MB21D2: variants seen among roughly 807,000 people sequenced by gnomAD.
MB21D2 encodes the protein Mab-21 domain containing 2.
MB21D2 carries 9 observed loss-of-function variants against 33.3 expected under a neutral mutation model. The ratio of observed to expected loss-of-function variants is 0.27; its 90% confidence interval spans 0.16 to 0.47. MB21D2 has a LOEUF of 0.47. Ranked by LOEUF, MB21D2 falls within the 20% of genes least tolerant of loss-of-function variation. The pLI, the probability that MB21D2 is intolerant of heterozygous loss-of-function variation, is 0.99. For synonymous variants in MB21D2, 241 were observed against 236.3 expected (o/e 1.02, Z -0.18); for missense variants, 540 against 624.6 (o/e 0.86, Z 1.44).
intron 1 of MB21D2, among the ~76,000 whole-genome samples, chr3:192,827,695 T>C (rs976677137): frequency 7.0e-6 from 1 of 142,866 alleles, no homozygotes; most frequent in African/African-American, 2.8e-5. Flanking sequence ...TGTTGGTGTT[T>C]ATCTCTAGAA....
At chr3:192,811,692 T>TG (rs779129349) in intron 1 of MB21D2, among the ~76,000 whole-genome samples, 6 of 152,188 alleles carry the variant, frequency 3.9e-5, no homozygotes, top group Non-Finnish European at 8.8e-5. Flanking sequence ...TTAAGACCTC[T>TG]GGAAAGCTTT....
intron 1 of MB21D2, among the ~76,000 whole-genome samples, chr3:192,861,544 C>T (rs138490868): frequency 0.01 from 1,532 of 152,336 alleles, 16 homozygotes; most frequent in Non-Finnish European, 0.015. Context: ...CGGTGGCTCA[C>T]GCCTGTAATC....
intron 1 of MB21D2, among the ~76,000 whole-genome samples, chr3:192,815,322 G>T (rs1159835087): frequency 3.3e-5 from 5 of 152,168 alleles, no homozygotes; most frequent in African/African-American, 1.2e-4. Flanking sequence ...GCCAGAAATA[G>T]AACCCAAAGT....
chr3:192,828,300 G>A (rs1336425690), intron 1 of MB21D2, among the ~76,000 whole-genome samples: 7 of 151,732 alleles, frequency 4.6e-5, no homozygotes, highest in Admixed American at 1.3e-4. Context: ...ACAGTGAAGT[G>A]TGGGTTTTAA....
intron 1 of MB21D2, among the ~76,000 whole-genome samples, chr3:192,806,174 G>C (rs935682888): frequency 6.6e-6 from 1 of 152,190 alleles, no homozygotes; most frequent in African/African-American, 2.4e-5. Context: ...CATCCTAGTG[G>C]AGGGTCTTGA....
At chr3:192,916,101 TATATA>T (rs200770464) in intron 1 of MB21D2, among the ~76,000 whole-genome samples, 2,070 of 146,614 alleles carry the variant, frequency 0.014, 66 homozygotes, top group African/African-American at 0.049. Flanking sequence ...CCAGGTTTTA[TATATA>T]TATATATATA....
intron 1 of MB21D2, among the ~76,000 whole-genome samples, chr3:192,836,275 G>A (rs1333221361): frequency 6.6e-6 from 1 of 152,114 alleles, no homozygotes; most frequent in African/African-American, 2.4e-5. Flanking sequence ...TTTTACTTTT[G>A]CTACGGAAAC....
chr3:192,885,760 C>T (rs1434560520), intron 1 of MB21D2, among the ~76,000 whole-genome samples: 1 of 152,056 alleles, frequency 6.6e-6, no homozygotes, highest in East Asian at 1.9e-4. Context: ...TCAAATCTTC[C>T]TTGGAAGCAG....
At chr3:192,806,573 T>C (rs989367730) in intron 1 of MB21D2, among the ~76,000 whole-genome samples, 2 of 152,206 alleles carry the variant, frequency 1.3e-5, no homozygotes, top group African/African-American at 2.4e-5. Flanking sequence ...TATAACCTCC[T>C]TGTGGTCAAC....
chr3:192,872,071 G>T lies in MB21D2; in HGVS notation c.211+45559C>A, dbSNP rs556442043. ...CAAGTTTGTCTCTCATAAAACTGAGGTGTGGAAATAATCCTTACCTAGCTT... is the reference window on the plus strand; with the variant it reads ...CAAGTTTGTCTCTCATAAAACTGAGTTGTGGAAATAATCCTTACCTAGCTT... On this transcript the variant is annotated intron_variant, in intron 1 of 1. Coordinates refer to ENST00000392452, the MANE Select transcript of MB21D2 (RefSeq NM_178496.4). Among the ~76,000 whole-genome samples, 19 of 152,260 alleles carry T rather than the reference G, an allele frequency of 1.2e-4. No individual in the cohort carries two copies. In the East Asian group the frequency reaches 2.7e-3, roughly 22 times the overall value.
rs12635748 is a variant in MB21D2 at position 192,829,195 on chromosome 3, G to A, written c.212-29545C>T. Among the ~76,000 whole-genome samples the A allele has an allele frequency of 3.4e-4, 52 of 152,224 alleles. No individual in the cohort carries two copies. In the East Asian group the frequency reaches 9.5e-3, roughly 28 times the overall value. ...TTTTATAACTAGTTTCTTTCACTTA[G>A]CATGATGCTTTTAAAGTTCACCCAT... On this transcript the variant is annotated intron_variant, in intron 1 of 1. Coordinates refer to ENST00000392452, the MANE Select transcript of MB21D2 (RefSeq NM_178496.4).
At chr3:192,839,773 T>C (rs1712528044) in intron 1 of MB21D2, among the ~76,000 whole-genome samples, 1 of 152,202 alleles carries the variant, frequency 6.6e-6, no homozygotes. Flanking sequence ...AATGTCAATC[T>C]ATATGTCAAT....
At chr3:192,910,393 G>C (rs766007067) in intron 1 of MB21D2, among the ~76,000 whole-genome samples, 1 of 151,814 alleles carries the variant, frequency 6.6e-6, no homozygotes, top group Non-Finnish European at 1.5e-5. Flanking sequence ...TAGGAGGATC[G>C]CTTGAGCCCA....
intron 1 of MB21D2, among the ~76,000 whole-genome samples, chr3:192,858,119 C>G (rs1712959017): frequency 1.3e-5 from 2 of 152,126 alleles, no homozygotes; most frequent in African/African-American, 4.8e-5. Flanking sequence ...GAGCAAAACT[C>G]TGTCTCAAAA....
chr3:192,850,235 G>C (rs1712769815), intron 1 of MB21D2, among the ~76,000 whole-genome samples: 1 of 152,188 alleles, frequency 6.6e-6, no homozygotes, highest in Non-Finnish European at 1.5e-5. Context: ...CAATTTTCTG[G>C]GGTTCCACTA....
intron 1 of MB21D2, among the ~76,000 whole-genome samples, chr3:192,829,258 G>C (rs905008463): frequency 8.5e-5 from 13 of 152,132 alleles, no homozygotes; most frequent in African/African-American, 3.1e-4. Flanking sequence ...TTTTTGTACA[G>C]ATGTGACACA....
At chr3:192,857,431 A>G (rs1017809535) in intron 1 of MB21D2, among the ~76,000 whole-genome samples, 1 of 152,210 alleles carries the variant, frequency 6.6e-6, no homozygotes, top group Non-Finnish European at 1.5e-5. Context: ...ATGCCAGAGG[A>G]GAAACAGCTA....
chr3:192,862,731 A>G (rs1346730954), intron 1 of MB21D2, among the ~76,000 whole-genome samples: 1 of 152,234 alleles, frequency 6.6e-6, no homozygotes, highest in Non-Finnish European at 1.5e-5. Flanking sequence ...GGACGCGGAC[A>G]TACACAGATG....
intron 1 of MB21D2, among the ~76,000 whole-genome samples, chr3:192,850,387 C>G (rs1712772836): frequency 6.6e-6 from 1 of 152,186 alleles, no homozygotes; most frequent in African/African-American, 2.4e-5. Context: ...GTATACCTCT[C>G]AAGGCAGGCC....
Sources: gnomAD v4.1 joint callset for allele counts (sites outside exome capture counted in the v4.1 genomes callset) on GRCh38, gnomAD v4.1.1 for gene constraint, MANE v1.5 for transcripts, NCBI Gene and HGNC (gene_info 2026-07-23, HGNC 2026-07-21) for gene names.